The following GPC5 variants were observed in gnomAD, a reference collection of about 807,000 sequenced individuals.
GPC5 encodes the protein glypican-5.
Under a neutral mutation model 53.9 loss-of-function variants are expected in GPC5, and 47 were observed. The ratio of observed to expected loss-of-function variants is 0.87; its 90% confidence interval spans 0.69 to 1.11. GPC5 has a LOEUF of 1.11. GPC5 is among the 50% of genes most tolerant of loss of function. The pLI is 0.00. For missense variants in GPC5, 748 were observed against 713.1 expected (o/e 1.05, Z -0.56); for synonymous variants, 286 against 263.3 (o/e 1.09, Z -0.84).
At chr13:91,861,269 T>C (rs1363896927) in intron 5 of GPC5, among the ~76,000 whole-genome samples, 1 of 152,210 alleles carries the variant, frequency 6.6e-6, no homozygotes, top group Non-Finnish European at 1.5e-5. Context: ...GCCATACTAA[T>C]GTTTTGTCTT....
At chr13:92,023,805 A>G (rs981157780) in intron 6 of GPC5, among the ~76,000 whole-genome samples, 1 of 152,110 alleles carries the variant, frequency 6.6e-6, no homozygotes, top group African/African-American at 2.4e-5. Flanking sequence ...GTCTTGGGAA[A>G]TAACCTACAT....
chr13:91,800,302 ATG>A (rs1455630151), intron 5 of GPC5, among the ~76,000 whole-genome samples: 2 of 152,132 alleles, frequency 1.3e-5, no homozygotes, highest in Admixed American at 6.5e-5. Flanking sequence ...CTTTGGATTA[ATG>A]AGATATGAGA....
At chr13:92,638,920 CA>C (rs1466041478) in intron 7 of GPC5, among the ~76,000 whole-genome samples, 9 of 152,126 alleles carry the variant, frequency 5.9e-5, no homozygotes, top group African/African-American at 2.2e-4. Context: ...TTGTTAGATA[CA>C]AATACAGATT....
chr13:91,875,943 G>A (rs1345230324), intron 5 of GPC5, among the ~76,000 whole-genome samples: 2 of 152,210 alleles, frequency 1.3e-5, no homozygotes, highest in South Asian at 2.1e-4. Flanking sequence ...ATTCCCACAT[G>A]TTGTGGGAGG....
At chr13:92,270,265 T>G (rs1185964532) in intron 7 of GPC5, among the ~76,000 whole-genome samples, 3 of 152,180 alleles carry the variant, frequency 2.0e-5, no homozygotes, top group African/African-American at 7.2e-5. Flanking sequence ...CCAAATCTCA[T>G]GTTGAATTGT....
At chr13:92,332,359 GC>G (rs2043293941) in intron 7 of GPC5, among the ~76,000 whole-genome samples, 2 of 152,102 alleles carry the variant, frequency 1.3e-5, no homozygotes, top group Non-Finnish European at 2.9e-5. Flanking sequence ...CCTACAAGTG[GC>G]TTTTAGCAGT....
chr13:91,427,206 G>A (rs903125441), intron 1 of GPC5, among the ~76,000 whole-genome samples: 3 of 152,196 alleles, frequency 2.0e-5, no homozygotes, highest in African/African-American at 7.2e-5. Context: ...TGAGAAGAGG[G>A]CTGCAGTCTT....
At chr13:91,801,881 T>TG in intron 5 of GPC5, among the ~76,000 whole-genome samples, 1 of 152,080 alleles carries the variant, frequency 6.6e-6, no homozygotes, top group East Asian at 1.9e-4. Context: ...CACAGGGAGG[T>TG]GACAGCTCTC....
intron 5 of GPC5, among the ~76,000 whole-genome samples, chr13:91,823,774 T>C (rs2038532508): frequency 6.6e-6 from 1 of 152,132 alleles, no homozygotes; most frequent in African/African-American, 2.4e-5. Context: ...TCTTTGTCTA[T>C]TATAATATAT....
chr13:91,497,841 T>TG (rs1270461803), intron 2 of GPC5, among the ~76,000 whole-genome samples: 1 of 152,196 alleles, frequency 6.6e-6, no homozygotes, highest in Non-Finnish European at 1.5e-5. Flanking sequence ...GGTGAATATA[T>TG]GAGGTGCATG....
chr13:91,868,592 C>T (rs1483413910), intron 5 of GPC5, among the ~76,000 whole-genome samples: 1 of 152,000 alleles, frequency 6.6e-6, no homozygotes, highest in African/African-American at 2.4e-5. Flanking sequence ...GTAATCCCAG[C>T]TACTCAGGAG....
chr13:92,128,464 A>G (rs1267614316), intron 6 of GPC5, among the ~76,000 whole-genome samples: 1 of 152,234 alleles, frequency 6.6e-6, no homozygotes, highest in Admixed American at 6.5e-5. Context: ...GTTGAAATCT[A>G]CTGCCTTTCC....
At chr13:92,735,705 A>T (rs1474267647) in intron 7 of GPC5, among the ~76,000 whole-genome samples, 1 of 152,026 alleles carries the variant, frequency 6.6e-6, no homozygotes, top group African/African-American at 2.4e-5. Context: ...AATTTCTGAC[A>T]TTCATTCCTT....
At chr13:92,397,258 G>A (rs1270737645) in intron 7 of GPC5, among the ~76,000 whole-genome samples, 1 of 150,890 alleles carries the variant, frequency 6.6e-6, no homozygotes, top group Non-Finnish European at 1.5e-5. Context: ...GGAGATAATT[G>A]AATCATGGGG....
intron 2 of GPC5, among the ~76,000 whole-genome samples, chr13:91,535,918 A>C (rs1886570949): frequency 6.6e-6 from 1 of 152,204 alleles, no homozygotes; most frequent in African/African-American, 2.4e-5. Flanking sequence ...ATTTGTGTGA[A>C]CATTGACATC....
chr13:92,814,849 G>A lies in GPC5; in HGVS notation c.1562-51433G>A, dbSNP rs115830384. 6.8e-3 allele frequency among the ~76,000 whole-genome samples: 1,029 copies of A among 151,712 alleles called. 36 individuals are homozygous for A. The highest frequency in any genetic ancestry group is 0.024 in the African/African-American group (977 of 41,222). On this transcript the variant is annotated intron_variant, in intron 7 of 7. Coordinates refer to ENST00000377067, the MANE Select transcript of GPC5 (RefSeq NM_004466.6). ...AAACATGTACATTTAAATTTGTTTT[G>A]ATCAACGAATTTCTCTAACTGTGCA...
intron 6 of GPC5, among the ~76,000 whole-genome samples, chr13:92,054,715 G>A (rs1192158360): frequency 6.6e-6 from 1 of 152,136 alleles, no homozygotes; most frequent in African/African-American, 2.4e-5. Flanking sequence ...TATAATTTTT[G>A]TGAGGCTGTT....
intron 7 of GPC5, among the ~76,000 whole-genome samples, chr13:92,364,038 G>T (rs939892386): frequency 2.0e-5 from 3 of 151,538 alleles, no homozygotes; most frequent in Admixed American, 6.6e-5. Context: ...GAGCTGAGAA[G>T]AATTTTATTA....
At chr13:91,988,252 A>G (rs1471817489) in intron 6 of GPC5, among the ~76,000 whole-genome samples, 1 of 152,104 alleles carries the variant, frequency 6.6e-6, no homozygotes, top group Non-Finnish European at 1.5e-5. Context: ...ACATGAAATG[A>G]ACATGTGGTG....
Sources: gnomAD v4.1 joint callset for allele counts (sites outside exome capture counted in the v4.1 genomes callset) on GRCh38, gnomAD v4.1.1 for gene constraint, MANE v1.5 for transcripts, NCBI Gene and HGNC (gene_info 2026-07-23, HGNC 2026-07-21) for gene names.